Variants in GAB3 observed in about 807,000 individuals in gnomAD.
GAB3 encodes GRB2 associated binding protein 3.
GAB3 carries 12 observed loss-of-function variants against 40.4 expected under a neutral mutation model. The observed-to-expected ratio is 0.30, with a 90% CI of 0.19 to 0.48. The LOEUF (loss-of-function observed/expected upper bound fraction) is 0.48. GAB3 is among the 20% of genes least tolerant of loss of function. GAB3 has a pLI of 0.99. For missense variants in GAB3, 381 were observed against 461.9 expected (o/e 0.82, Z 1.61); for synonymous variants, 154 against 176.7 (o/e 0.87, Z 1.02).
chrX:154,699,156 G>C, intron 6 of GAB3, 138 bp downstream of exon 6: 2 of 516,226 alleles, frequency 3.9e-6, no homozygotes, highest in Non-Finnish European at 6.7e-6. Context: ...TTCCAACCCA[G>C]CCACTTCTTT....
At chrX:154,713,076 T>C (rs2070979578) in intron 3 of GAB3, 131 bp downstream of exon 3, 1 of 531,433 alleles carries the variant, frequency 1.9e-6, no homozygotes, top group Non-Finnish European at 3.2e-6. Flanking sequence ...TAGAAAATGC[T>C]ACCACTAAAT....
intron 1 of GAB3, among the ~76,000 whole-genome samples, chrX:154,727,022 A>G (rs112333657): frequency 7.1e-5 from 8 of 112,435 alleles, no homozygotes; most frequent in African/African-American, 2.6e-4. Flanking sequence ...AAAGAAGTCA[A>G]TAACATTTTA....
upstream of GAB3, chrX:154,751,171 G>T: frequency 2.0e-6 from 1 of 502,933 alleles, no homozygotes; most frequent in Non-Finnish European, 2.4e-6. Context: ...TCCGGCCGCC[G>T]CGGCCCCCGG....
intron 1 of GAB3, among the ~76,000 whole-genome samples, chrX:154,717,667 G>T (rs782571738): frequency 3.6e-4 from 40 of 111,674 alleles, no homozygotes; most frequent in Non-Finnish European, 5.8e-4. Flanking sequence ...TAGAATTTTT[G>T]ATGTAGACAG....
chrX:154,680,752 T>C (rs1557246670), intron 8 of GAB3, among the ~76,000 whole-genome samples: 2 of 112,276 alleles, frequency 1.8e-5, no homozygotes, highest in African/African-American at 6.5e-5. Flanking sequence ...TAAAGCACTA[T>C]CTTGAATTTT....
At chrX:154,751,172 C>A, upstream of GAB3, 1 of 505,263 alleles carries the variant, frequency 2.0e-6, no homozygotes, top group South Asian at 1.0e-4. Context: ...CCGGCCGCCG[C>A]GGCCCCCGGG....
intron 8 of GAB3, among the ~76,000 whole-genome samples, chrX:154,681,760 C>T (rs1362186613): frequency 1.8e-5 from 2 of 111,996 alleles, no homozygotes; most frequent in Non-Finnish European, 3.8e-5. Flanking sequence ...ATTTGCTTCA[C>T]GTTTAAGCAA....
chrX:154,722,918 G>A (rs782404399), intron 1 of GAB3, among the ~76,000 whole-genome samples: 15 of 110,235 alleles, frequency 1.4e-4, no homozygotes, highest in Admixed American at 1.9e-4. Context: ...TGCTCTTGTC[G>A]CCCAGGCTGG....
At chrX:154,699,644 G>C (rs2070711193) in intron 5 of GAB3, 131 bp from the exon 6 acceptor site, 3 of 529,928 alleles carry the variant, frequency 5.7e-6, no homozygotes, top group Non-Finnish European at 9.0e-6. Flanking sequence ...CCTCAGCAAA[G>C]TCAGACAAGC....
chrX:154,725,892 G>A (rs1603427082), intron 1 of GAB3, among the ~76,000 whole-genome samples: 4 of 111,310 alleles, frequency 3.6e-5, no homozygotes, highest in African/African-American at 1.3e-4. Context: ...TAGAGTACAG[G>A]CTGCTCTAGA....
chrX:154,749,250 AAT>A (rs2071574621), intron 1 of GAB3, among the ~76,000 whole-genome samples: 1 of 112,697 alleles, frequency 8.9e-6, no homozygotes, highest in Non-Finnish European at 1.9e-5. Context: ...ATGAAATACT[AAT>A]AAACTTCCCT....
At chrX:154,730,583 G>T (rs1377633343) in intron 1 of GAB3, among the ~76,000 whole-genome samples, 1 of 112,154 alleles carries the variant, frequency 8.9e-6, no homozygotes, top group African/African-American at 3.2e-5. Flanking sequence ...GAGGCTGGGG[G>T]TTGTTTATGT....
At chrX:154,717,682 A>G (rs1464719633) in intron 1 of GAB3, among the ~76,000 whole-genome samples, 1 of 111,745 alleles carries the variant, frequency 8.9e-6, no homozygotes, top group Non-Finnish European at 1.9e-5. Flanking sequence ...AGACAGTACC[A>G]TCTTGGCTCA....
chrX:154,679,026 G>C, intron 9 of GAB3: 1 of 270,698 alleles, frequency 3.7e-6, no homozygotes, highest in Non-Finnish European at 7.0e-6. Context: ...GGGTGATGAT[G>C]TGCAACTGTA....
chrX:154,711,241 G>C (rs1045960359), intron 4 of GAB3, among the ~76,000 whole-genome samples: 5 of 112,059 alleles, frequency 4.5e-5, no homozygotes, highest in South Asian at 3.7e-4. Context: ...GAGAAAGAAA[G>C]AGAGAGAAGA....
At chrX:154,685,175 C>A (rs1287224953) in intron 8 of GAB3, among the ~76,000 whole-genome samples, 2 of 111,603 alleles carry the variant, frequency 1.8e-5, no homozygotes, top group Admixed American at 9.6e-5. Flanking sequence ...ATTACTTAAT[C>A]CAACTTTCAA....
At chrX:154,710,319 A>G (rs1195541480) in intron 4 of GAB3, among the ~76,000 whole-genome samples, 1 of 111,679 alleles carries the variant, frequency 9.0e-6, no homozygotes, top group East Asian at 2.8e-4. Flanking sequence ...CTAGAACCTG[A>G]CCAGCTGACT....
intron 1 of GAB3, among the ~76,000 whole-genome samples, chrX:154,738,144 T>C (rs1330782820): frequency 8.9e-6 from 1 of 112,463 alleles, no homozygotes; most frequent in Non-Finnish European, 1.9e-5. Context: ...AGAGGAAATC[T>C]AAGTCCGTTT....
chrX:154,742,563 T>C (rs1284670633), intron 1 of GAB3, among the ~76,000 whole-genome samples: 2 of 110,469 alleles, frequency 1.8e-5, no homozygotes, highest in Non-Finnish European at 3.8e-5. Flanking sequence ...TTTCATGCCA[T>C]CGTAAAGCAA....
Sources: allele counts gnomAD v4.1 joint callset (sites outside exome capture counted in the v4.1 genomes callset), GRCh38; gene constraint gnomAD v4.1.1; transcripts MANE v1.5; gene names NCBI Gene and HGNC (gene_info 2026-07-23, HGNC 2026-07-21).